SH3D19: variants seen among roughly 807,000 people sequenced by gnomAD.
SH3D19 encodes SH3 domain containing 19, also known as SH3 domain-containing protein 19.
Under a neutral mutation model 112.1 loss-of-function variants are expected in SH3D19, and 58 were observed. The observed-to-expected ratio is 0.52, with a 90% confidence interval of 0.42 to 0.64. The LOEUF is 0.64. Ranked by LOEUF, SH3D19 falls within the 30% of genes least tolerant of loss-of-function variation. The pLI is 0.00. For synonymous variants in SH3D19, 391 were observed against 448.5 expected (o/e 0.87, Z 1.62); for missense variants, 1,090 against 1,263.4 (o/e 0.86, Z 2.08).
chr4:151,246,133 T>C (rs1466599327), intron 1 of SH3D19, among the ~76,000 whole-genome samples: 1 of 151,888 alleles, frequency 6.6e-6, no homozygotes. Flanking sequence ...CAGGAAAAAT[T>C]CTCCATCAGA....
chr4:151,162,678 T>C, intron 8 of SH3D19, among the ~76,000 whole-genome samples: 1 of 140,922 alleles, frequency 7.1e-6, no homozygotes, highest in Non-Finnish European at 1.5e-5. Context: ...CAACACAACC[T>C]CCAAATCCTG....
At chr4:151,267,842 A>G (rs1388259605) in intron 1 of SH3D19, among the ~76,000 whole-genome samples, 1 of 152,200 alleles carries the variant, frequency 6.6e-6, no homozygotes, top group Admixed American at 6.5e-5. Context: ...TCAAGCAAGT[A>G]GGATGGTGCT....
chr4:151,311,793 T>C (rs1237985039), intron 1 of SH3D19, among the ~76,000 whole-genome samples: 1 of 152,152 alleles, frequency 6.6e-6, no homozygotes. Context: ...TGAGCCGTGA[T>C]TGCACCACTG....
At chr4:151,137,675 A>ACTT in intron 14 of SH3D19, 57 bp downstream of exon 14, 1 of 1,384,234 alleles carries the variant, frequency 7.2e-7, no homozygotes, top group South Asian at 1.7e-5. Context: ...CCAACCTACA[A>ACTT]GTCACATAGA....
intron 1 of SH3D19, among the ~76,000 whole-genome samples, chr4:151,247,179 T>C (rs10857256): frequency 0.97 from 147,040 of 152,294 alleles, 71,223 homozygotes; most frequent in African/African-American, 1. Context: ...AATATTCACA[T>C]GCAAAATTGG....
At chr4:151,286,825 C>T (rs1337247621) in intron 1 of SH3D19, among the ~76,000 whole-genome samples, 2 of 151,338 alleles carry the variant, frequency 1.3e-5, no homozygotes, top group Non-Finnish European at 2.9e-5. Context: ...ACAAAAAATA[C>T]AAAAATTAGC....
intron 1 of SH3D19, among the ~76,000 whole-genome samples, chr4:151,246,878 A>G (rs992565541): frequency 6.6e-6 from 1 of 152,202 alleles, no homozygotes; most frequent in Admixed American, 6.5e-5. Flanking sequence ...TGCTGCTACA[A>G]ATAATTCCTT....
chr4:151,287,996 A>G lies in SH3D19; in HGVS notation c.112+37245T>C, dbSNP rs1774987120. 1.3e-5 allele frequency among the ~76,000 whole-genome samples: 2 copies of G among 152,206 alleles called. 1 individual carries two copies. The highest frequency in any genetic ancestry group is 4.1e-4 in the South Asian group (2 of 4,830). On this transcript the variant is annotated intron_variant, in intron 1 of 19. Transcript: ENST00000604030. ...AGAAATCAATCAATGTTAATATACC[A>G]TGTTCTTAGAATAAAGAGCAAAAAC...
chr4:151,149,327 T>A (rs895878799), intron 10 of SH3D19, among the ~76,000 whole-genome samples, 173 bp downstream of exon 10: 4 of 152,150 alleles, frequency 2.6e-5, no homozygotes, highest in Admixed American at 1.3e-4. Context: ...GAGCAGAGAT[T>A]CCCACAACCT....
intron 2 of SH3D19, among the ~76,000 whole-genome samples, chr4:151,207,731 G>C (rs1765317209): frequency 6.6e-6 from 1 of 152,184 alleles, no homozygotes; most frequent in African/African-American, 2.4e-5. Flanking sequence ...ATACCGCCTG[G>C]ATCAAGGTGT....
intron 9 of SH3D19, among the ~76,000 whole-genome samples, chr4:151,156,172 T>C (rs1231652386): frequency 6.6e-6 from 1 of 152,026 alleles, no homozygotes; most frequent in Non-Finnish European, 1.5e-5. Flanking sequence ...TGGAAGAAGA[T>C]ACAAAGGATA....
chr4:151,192,603 C>A (rs748612983), intron 2 of SH3D19, among the ~76,000 whole-genome samples: 5 of 152,092 alleles, frequency 3.3e-5, no homozygotes, highest in Non-Finnish European at 5.9e-5. Flanking sequence ...TATTATTTAC[C>A]ATTTACAATC....
intron 1 of SH3D19, among the ~76,000 whole-genome samples, chr4:151,249,232 A>G (rs936229463): frequency 1.3e-5 from 2 of 152,170 alleles, no homozygotes; most frequent in African/African-American, 4.8e-5. Flanking sequence ...GTATCTGTAA[A>G]AGTCACAATA....
chr4:151,219,783 A>G (rs1369531986), intron 2 of SH3D19, among the ~76,000 whole-genome samples: 1 of 152,176 alleles, frequency 6.6e-6, no homozygotes, highest in Non-Finnish European at 1.5e-5. Context: ...CTTCCGATGT[A>G]TTCATGTACA....
In SH3D19 at chr4:151,176,619, A is replaced by G. The variant is rs1759994928; in HGVS notation, c.444T>C (p.Asn148=). The G allele has an allele frequency of 8.1e-7, 1 of 1,231,610 alleles. No individual in the cohort carries two copies. The highest frequency in any genetic ancestry group is 4.2e-5 in the Admixed American group (1 of 23,696). 76.3% of individuals were successfully genotyped at this position (1,231,610 alleles called of 1,614,324 possible). ...NQVQVNTTNN[N]NAAATPRHTI... ...TGTGCCTTGGAGTAGCAGCAGCATT[A>G]TTATTATTTGTAGTATTAACTTGAA... The change falls in exon 6 of 20, where the codon AAT becomes AAC. Residue 148 remains asparagine, a synonymous_variant. Coordinates refer to ENST00000604030, the MANE Select transcript of SH3D19 (RefSeq NM_001378122.1).
At chr4:151,184,882 T>G (rs1443314293) in intron 3 of SH3D19, among the ~76,000 whole-genome samples, 1 of 152,142 alleles carries the variant, frequency 6.6e-6, no homozygotes, top group Non-Finnish European at 1.5e-5. Flanking sequence ...TTACTGAAAC[T>G]GCTCTCTCGT....
chr4:151,189,838 T>C (rs1762364542), intron 2 of SH3D19, among the ~76,000 whole-genome samples: 1 of 152,116 alleles, frequency 6.6e-6, no homozygotes, highest in Non-Finnish European at 1.5e-5. Flanking sequence ...GGTGCTGCTG[T>C]AGATACCCCA....
chr4:151,134,684 C>T (rs1276093756), intron 15 of SH3D19, among the ~76,000 whole-genome samples: 1 of 152,158 alleles, frequency 6.6e-6, no homozygotes, highest in Non-Finnish European at 1.5e-5. Context: ...TTCTTTATGT[C>T]CTGCACTGAT....
intron 10 of SH3D19, 93 bp from the exon 11 acceptor site, chr4:151,148,279 A>ACACG (rs2149776438): frequency 8.6e-7 from 1 of 1,157,482 alleles, no homozygotes; most frequent in African/African-American, 1.6e-5. Context: ...ACACACACAC[A>ACACG]CACACACACA....
Sources: allele counts gnomAD v4.1 joint callset (sites outside exome capture counted in the v4.1 genomes callset), GRCh38; gene constraint gnomAD v4.1.1; transcripts MANE v1.5; gene names NCBI Gene and HGNC (gene_info 2026-07-23, HGNC 2026-07-21).